Variants in HOMEZ observed in about 807,000 individuals in gnomAD.
HOMEZ encodes the protein homeobox and leucine zipper protein Homez.
Under a neutral mutation model 50.1 loss-of-function variants are expected in HOMEZ, and 20 were observed. The observed-to-expected ratio is 0.40, with a 90% confidence interval of 0.28 to 0.58. HOMEZ has a LOEUF of 0.58. HOMEZ is among the 20% of genes least tolerant of loss of function. The probability of loss-of-function intolerance (pLI) is 0.46; values close to 1 mark genes in which losing one functional copy is unlikely to be tolerated. For synonymous variants in HOMEZ, 239 were observed against 254.7 expected, an observed-to-expected ratio of 0.94 and a Z score of 0.59; for missense variants, 579 against 680.5, an observed-to-expected ratio of 0.85 and a Z score of 1.66.
chr14:23,278,756 G>A (rs1380098391), intron 1 of HOMEZ, among the ~76,000 whole-genome samples: 4 of 152,154 alleles, frequency 2.6e-5, no homozygotes, highest in Admixed American at 6.5e-5. Context: ...GCTTACTGCA[G>A]CCTCCGCCTC....
At chr14:23,279,227 C>G (rs765804284) in intron 1 of HOMEZ, among the ~76,000 whole-genome samples, 1 of 152,028 alleles carries the variant, frequency 6.6e-6, no homozygotes, top group Non-Finnish European at 1.5e-5. Context: ...AAATAGCAAT[C>G]GAATATAAAA....
rs755450464 is a variant in HOMEZ, at chr14:23,275,865, G to C, written c.1363C>G (p.Pro455Ala). Residue 455 changes from proline to alanine, a missense_variant, in exon 2 of 2, where the codon CCG becomes GCG. Transcript: ENST00000357460. Reference protein sequence around the residue: ...LNERAETPPLPIPPPPPDIQP... With the variant: ...LNERAETPPLAIPPPPPDIQP... ...ATATCCGGTGGGGGTGGAGGGATCG[G>C]CAGAGGTGGTGTCTCAGCCCTTTCG... The C allele has an allele frequency of 6.3e-7, 1 of 1,597,996 alleles. No homozygotes were observed. Among genetic ancestry groups the C allele is most frequent in the South Asian group, 1.1e-5 (1 of 87,872 alleles).
chr14:23,284,468 T>C (rs113749511), intron 1 of HOMEZ, among the ~76,000 whole-genome samples: 112 of 152,358 alleles, frequency 7.4e-4, no homozygotes, highest in African/African-American at 2.5e-3. Flanking sequence ...CTGCTACTAG[T>C]GCGCCAAAAT....
At chr14:23,285,188 C>T (rs1030830203) in intron 1 of HOMEZ, 17 of 151,842 alleles carry the variant, frequency 1.1e-4, no homozygotes, top group African/African-American at 3.6e-4. Context: ...TCAATTACTA[C>T]CAACTAACCG....
chr14:23,282,668 G>A (rs1043815388), intron 1 of HOMEZ, among the ~76,000 whole-genome samples: 4 of 152,230 alleles, frequency 2.6e-5, no homozygotes, highest in Non-Finnish European at 5.9e-5. Flanking sequence ...TCCAGTGTGA[G>A]GATGAATACT....
intron 1 of HOMEZ, chr14:23,285,217 G>C (rs992065788): frequency 6.6e-6 from 1 of 151,816 alleles, no homozygotes; most frequent in African/African-American, 2.4e-5. Context: ...AATATAAAAG[G>C]GCTTCAAGTG....
At chr14:23,285,656 C>G (rs1160625960) in intron 1 of HOMEZ, 1 of 387,272 alleles carries the variant, frequency 2.6e-6, no homozygotes, top group African/African-American at 2.1e-5. Context: ...ACGATAAGCC[C>G]CATGAGGCAG....
At chr14:23,279,044 C>T (rs1356967155) in intron 1 of HOMEZ, among the ~76,000 whole-genome samples, 3 of 151,362 alleles carry the variant, frequency 2.0e-5, no homozygotes, top group Non-Finnish European at 2.9e-5. Flanking sequence ...AGTGCAGTGG[C>T]GTGATCTTGG....
rs1198744050 is a variant in HOMEZ at position 23,275,909 on chromosome 14, G to A, written c.1319C>T (p.Pro440Leu). 3 of 1,605,430 alleles carry A rather than the reference G, an allele frequency of 1.9e-6. No individual in the cohort carries two copies. Among genetic ancestry groups the A allele is most frequent in the Non-Finnish European group, 2.6e-6 (3 of 1,175,338 alleles). The part of the protein sequence containing the change: ...FQDPAIPTPP[P>L]STRSLNERAE... The stretch of plus-strand genomic sequence containing the variant: ...CCTTTCGTTCAAGGAGCGGGTTGAT[G>A]GTGGTGGTGTAGGAATTGCTGGGTC... Residue 440 changes from proline (P) to leucine (L), a missense_variant, in exon 2 of 2, where the codon CCA becomes CTA. By Grantham distance (98) the Pro-to-Leu change is moderately conservative. Transcript: ENST00000357460.
chr14:23,280,826 TGCAGTG>T (rs1444854045), intron 1 of HOMEZ, among the ~76,000 whole-genome samples: 2 of 148,294 alleles, frequency 1.3e-5, no homozygotes, highest in East Asian at 4.0e-4. Flanking sequence ...CAGGCTGGAG[TGCAGTG>T]GCACGATCTT....
rs1886341942 is a variant in HOMEZ at position 23,275,910 on chromosome 14, G to A, written c.1318C>T (p.Pro440Ser). 1.9e-6 allele frequency: 3 copies of A among 1,605,736 alleles called. No individual in the cohort carries two copies. In the African/African-American group the frequency reaches 4.0e-5, roughly 21 times the overall value. ...CTTTCGTTCAAGGAGCGGGTTGATG[G>A]TGGTGGTGTAGGAATTGCTGGGTCT... ...FQDPAIPTPPPSTRSLNERAE... is the reference protein window; with the variant it reads ...FQDPAIPTPPSSTRSLNERAE... Residue 440 changes from proline (P) to serine (S), a missense_variant, in exon 2 of 2, where the codon CCA becomes TCA. Pro to Ser is a moderately conservative substitution (Grantham distance 74, BLOSUM62 -1). Transcript: ENST00000357460.
chr14:23,272,657 C>A lies in HOMEZ; in HGVS notation c.*2918G>T. Reference sequence around the variant, plus strand: ...CCAGAGATTGTCACACTAGATGTAGCAAATCCTAGTTTGGAAAAGTTAGTT... The same window carrying A: ...CCAGAGATTGTCACACTAGATGTAGAAAATCCTAGTTTGGAAAAGTTAGTT... On this transcript the variant is annotated 3_prime_UTR_variant, in exon 2 of 2. Coordinates refer to ENST00000357460, the MANE Select transcript of HOMEZ (RefSeq NM_020834.3). The A allele has an allele frequency of 1.6e-6, 1 of 632,710 alleles. No homozygotes were observed. 39.2% of individuals were successfully genotyped at this position (632,710 alleles called of 1,614,324 possible). A position where few individuals can be genotyped will look rare whatever the true frequency, so the allele number is the denominator to read the frequency against.
intron 1 of HOMEZ, among the ~76,000 whole-genome samples, chr14:23,281,565 A>G (rs767994322): frequency 4.6e-5 from 7 of 152,128 alleles, no homozygotes; most frequent in Non-Finnish European, 1.0e-4. Context: ...ATGTTAGGGG[A>G]TGGATGTCCG....
In HOMEZ at chr14:23,275,381, CA is replaced by C. The variant is rs572282808; in HGVS notation, c.*193del. The C allele has an allele frequency of 2.6e-4, 172 of 649,246 alleles. No homozygotes were observed. In the South Asian group the frequency reaches 3.5e-3, roughly 13 times the overall value. The allele number at this position is 649,246 out of a possible 1,614,324, so 40.2% of individuals were successfully genotyped here. On this transcript the variant is annotated 3_prime_UTR_variant, in exon 2 of 2. Transcript: ENST00000357460. ...GGTTGGATTTCTGCTGATCCAATCC[CA>C]GCCTTACTTAGTGCCCTATGGTCAT...
chr14:23,278,970 C>T (rs750470008), intron 1 of HOMEZ, among the ~76,000 whole-genome samples: 11 of 150,346 alleles, frequency 7.3e-5, no homozygotes, highest in Admixed American at 1.3e-4. Flanking sequence ...GCCACGGCGC[C>T]TGGCCAGAAT....
At position 23,272,820 on chromosome 14, in the gene HOMEZ, C is replaced by G. The variant is rs1369810272; in HGVS notation, c.*2755G>C. ...ACATCTACCTTCTTGTCCTCTGCTG[C>G]AGACTCTCTACCAACAACGGAGGCA... On this transcript the variant is annotated 3_prime_UTR_variant, in exon 2 of 2. Coordinates refer to ENST00000357460, the MANE Select transcript of HOMEZ (RefSeq NM_020834.3). The G allele has an allele frequency of 6.5e-7, 1 of 1,546,272 alleles. No homozygotes were observed. The highest frequency in any genetic ancestry group is 1.2e-5 in the South Asian group (1 of 83,966).
chr14:23,280,731 TTTTATTTTA>T lies in HOMEZ; in HGVS notation c.41-3553_41-3545del, dbSNP rs1566451144. ...TTTATTTTTATTTTATTTTATTTTA[TTTTATTTTA>T]TTATTTTATTTTATTTTATTTTATT... On this transcript the variant is annotated intron_variant, in intron 1 of 1. Coordinates refer to ENST00000357460, the MANE Select transcript of HOMEZ (RefSeq NM_020834.3). Among the ~76,000 whole-genome samples, 97 of 71,548 alleles carry T rather than the reference TTTTATTTTA, an allele frequency of 1.4e-3. 2 individuals are homozygous for T. The highest frequency in any genetic ancestry group is 5.5e-3 in the African/African-American group (92 of 16,600). The allele number at this position is 71,548 out of a possible 152,430, so 46.9% of individuals were successfully genotyped here.
chr14:23,272,663 C>T lies in HOMEZ; in HGVS notation c.*2912G>A. On this transcript the variant is annotated 3_prime_UTR_variant, in exon 2 of 2. Coordinates refer to ENST00000357460, the MANE Select transcript of HOMEZ (RefSeq NM_020834.3). The stretch of plus-strand genomic sequence containing the variant: ...ATTGTCACACTAGATGTAGCAAATC[C>T]TAGTTTGGAAAAGTTAGTTATCATG... 1.6e-6 allele frequency: 1 copy of T among 637,658 alleles called. No individual in the cohort carries two copies. The highest frequency in any genetic ancestry group is 1.8e-5 in the South Asian group (1 of 55,768). The allele number at this position is 637,658 out of a possible 1,614,324, so 39.5% of individuals were successfully genotyped here. A position where few individuals can be genotyped will look rare whatever the true frequency, so the allele number is the denominator to read the frequency against.
At position 23,275,956 on chromosome 14, in the gene HOMEZ, T is replaced by G. The variant is rs777895221; in HGVS notation, c.1272A>C (p.Val424=). The change falls in exon 2 of 2, where the codon GTA becomes GTC. Residue 424 remains valine, a synonymous_variant. Coordinates refer to ENST00000357460, the MANE Select transcript of HOMEZ (RefSeq NM_020834.3). ...GGTCTTGGAAACTAGGGGCACCAGG[T>G]ACTGCGTTGTCCCGAAACCACTTTA... ...GQLKWFRDNA[V]PGAPSFQDPA... 3.1e-6 allele frequency: 5 copies of G among 1,612,568 alleles called. No homozygotes were observed. Among genetic ancestry groups the G allele is most frequent in the Non-Finnish European group, 4.2e-6 (5 of 1,179,224 alleles).
Sources: gnomAD v4.1 joint callset for allele counts (sites outside exome capture counted in the v4.1 genomes callset) on GRCh38, gnomAD v4.1.1 for gene constraint, MANE v1.5 for transcripts, NCBI Gene and HGNC (gene_info 2026-07-23, HGNC 2026-07-21) for gene names.